THSD7B: variants seen among roughly 807,000 people sequenced by gnomAD.
THSD7B encodes the protein thrombospondin type-1 domain-containing protein 7B.
Under a neutral mutation model 213.6 loss-of-function variants are expected in THSD7B, and 138 were observed. The ratio of observed to expected loss-of-function variants is 0.65; its 90% CI spans 0.56 to 0.74. The LOEUF (loss-of-function observed/expected upper bound fraction) is 0.74, where lower values mean the gene tolerates loss of function less well. Ranked by LOEUF, THSD7B falls within the 30% of genes least tolerant of loss-of-function variation. The pLI is 0.00. For synonymous variants in THSD7B, 742 were observed against 687.0 expected (o/e 1.08, Z -1.25); for missense variants, 1,931 against 1,991.5 (o/e 0.97, Z 0.58).
Position 137,242,461 on chromosome 2 carries a change from C to T in THSD7B, c.2155C>T (p.Pro719Ser). 1 of 1,612,964 alleles carries T rather than the reference C, an allele frequency of 6.2e-7. No homozygotes were observed. The highest frequency in any genetic ancestry group is 8.5e-7 in the Non-Finnish European group (1 of 1,179,004). Residue 719 changes from proline to serine, a missense_variant, in exon 10 of 28, where the codon CCA becomes TCA. By Grantham distance (74) the Pro-to-Ser change is moderately conservative. Coordinates refer to ENST00000409968, the MANE Select transcript of THSD7B (RefSeq NM_001316349.2). ...ATGGTCTTTTCACATTGACAGATGTCCAGATTCTACTCGACCTGAAACTGT... is the reference window on the plus strand; with the variant it reads ...ATGGTCTTTTCACATTGACAGATGTTCAGATTCTACTCGACCTGAAACTGT... ...HVGQVMTKRC[P>S]DSTRPETVRP...
At chr2:136,856,029 G>A (rs1683176508) in intron 1 of THSD7B, among the ~76,000 whole-genome samples, 1 of 152,054 alleles carries the variant, frequency 6.6e-6, no homozygotes. Context: ...ACTCCCATAA[G>A]CACTTTCTAT....
At chr2:136,934,860 C>G (rs1251130498) in intron 2 of THSD7B, among the ~76,000 whole-genome samples, 6 of 152,076 alleles carry the variant, frequency 3.9e-5, no homozygotes, top group African/African-American at 1.4e-4. Context: ...CTTAAAATTT[C>G]TACCAGTTTA....
rs199818638 is a variant in THSD7B at position 137,321,110 on chromosome 2, C to T, written c.2500+45084C>T. 5.9e-5 allele frequency among the ~76,000 whole-genome samples: 9 copies of T among 152,296 alleles called. No individual in the cohort carries two copies. In the East Asian group the frequency reaches 1.7e-3, roughly 29 times the overall value. On this transcript the variant is annotated intron_variant, in intron 12 of 27. Coordinates refer to ENST00000409968, the MANE Select transcript of THSD7B (RefSeq NM_001316349.2). ...TATAAAGTCCTCACAAAGAAGTCAGCCCATATTTATCCCTCAAATTACAAA... is the reference window on the plus strand; with the variant it reads ...TATAAAGTCCTCACAAAGAAGTCAGTCCATATTTATCCCTCAAATTACAAA...
chr2:137,253,070 T>C (rs991139427), intron 10 of THSD7B, among the ~76,000 whole-genome samples: 23 of 152,070 alleles, frequency 1.5e-4, no homozygotes, highest in Admixed American at 6.5e-5. Flanking sequence ...GAGAATGAGG[T>C]ACTCACTCTG....
At chr2:137,598,886 TTTTA>T (rs1224393369) in intron 17 of THSD7B, among the ~76,000 whole-genome samples, 2 of 147,638 alleles carry the variant, frequency 1.4e-5, no homozygotes, top group Admixed American at 6.7e-5. Flanking sequence ...TCTTTTTTTT[TTTTA>T]TTATTATTAT....
intron 1 of THSD7B, among the ~76,000 whole-genome samples, chr2:136,802,680 T>C (rs1457419794): frequency 1.5e-5 from 2 of 134,374 alleles, no homozygotes; most frequent in Non-Finnish European, 3.2e-5. Context: ...TATATATATA[T>C]ATGTAGTATT....
At chr2:137,236,792 A>G (rs979073033) in intron 9 of THSD7B, among the ~76,000 whole-genome samples, 1 of 152,218 alleles carries the variant, frequency 6.6e-6, no homozygotes, top group Non-Finnish European at 1.5e-5. Context: ...GCCCAATGTG[A>G]TGTATTTCAG....
intron 3 of THSD7B, among the ~76,000 whole-genome samples, chr2:137,089,131 A>G (rs1687898310): frequency 6.6e-6 from 1 of 151,990 alleles, no homozygotes; most frequent in Non-Finnish European, 1.5e-5. Context: ...GAGGAAAATA[A>G]GTCATTATAC....
chr2:137,096,257 G>A (rs1573820451), intron 4 of THSD7B, among the ~76,000 whole-genome samples: 1 of 152,056 alleles, frequency 6.6e-6, no homozygotes, highest in African/African-American at 2.4e-5. Context: ...ACTCATTTCT[G>A]CAGCCAAAAA....
At chr2:136,800,760 A>G (rs1682163939) in intron 1 of THSD7B, among the ~76,000 whole-genome samples, 1 of 150,932 alleles carries the variant, frequency 6.6e-6, no homozygotes, top group African/African-American at 2.4e-5. Flanking sequence ...ACTGTGAGAT[A>G]AAATGGTAAG....
intron 17 of THSD7B, among the ~76,000 whole-genome samples, chr2:137,601,060 C>T (rs991000102): frequency 6.6e-5 from 10 of 151,860 alleles, no homozygotes; most frequent in African/African-American, 1.7e-4. Flanking sequence ...GGCTATACAA[C>T]GTGTTTGTGT....
intron 17 of THSD7B, among the ~76,000 whole-genome samples, chr2:137,576,806 T>C (rs900597017): frequency 3.0e-5 from 4 of 135,348 alleles, no homozygotes; most frequent in Admixed American, 1.5e-4. Flanking sequence ...CCCCCCCCCC[T>C]TTTTTTAATG....
chr2:137,052,385 G>A (rs1173771849), intron 2 of THSD7B, among the ~76,000 whole-genome samples: 2 of 152,182 alleles, frequency 1.3e-5, no homozygotes, highest in South Asian at 4.1e-4. Flanking sequence ...CATTACATCA[G>A]TAGTCAAACT....
At chr2:137,495,429 C>T (rs570532600) in intron 15 of THSD7B, among the ~76,000 whole-genome samples, 15 of 152,152 alleles carry the variant, frequency 9.9e-5, no homozygotes, top group African/African-American at 3.6e-4. Flanking sequence ...AATCTATCAC[C>T]CATAGTAATT....
intron 15 of THSD7B, among the ~76,000 whole-genome samples, chr2:137,463,910 T>C (rs1687935471): frequency 6.6e-6 from 1 of 152,108 alleles, no homozygotes; most frequent in African/African-American, 2.4e-5. Flanking sequence ...GCACAGCCTC[T>C]ATAAGCTGAC....
At chr2:137,669,776 T>G (rs1161342405) in intron 27 of THSD7B, among the ~76,000 whole-genome samples, 1 of 152,192 alleles carries the variant, frequency 6.6e-6, no homozygotes, top group East Asian at 1.9e-4. Flanking sequence ...TTCCCCTAAG[T>G]ATTTAAAAGA....
intron 2 of THSD7B, among the ~76,000 whole-genome samples, chr2:136,901,639 T>C (rs1006776959): frequency 3.3e-5 from 5 of 152,234 alleles, no homozygotes; most frequent in African/African-American, 4.8e-5. Context: ...TTAAGTTCTT[T>C]TGATATTTTG....
chr2:137,315,257 G>T (rs1467132405), intron 12 of THSD7B, among the ~76,000 whole-genome samples: 1 of 152,208 alleles, frequency 6.6e-6, no homozygotes, highest in East Asian at 1.9e-4. Flanking sequence ...TCGGGTGGGA[G>T]TGACCCGATT....
chr2:137,535,840 C>G (rs75104793), intron 15 of THSD7B, among the ~76,000 whole-genome samples: 11,028 of 151,294 alleles, frequency 0.073, 448 homozygotes, highest in African/African-American at 0.089. Flanking sequence ...GAGGGGGATG[C>G]TGCGGAGGCC....
Sources: allele counts gnomAD v4.1 joint callset (sites outside exome capture counted in the v4.1 genomes callset), GRCh38; gene constraint gnomAD v4.1.1; transcripts MANE v1.5; gene names NCBI Gene and HGNC (gene_info 2026-07-23, HGNC 2026-07-21).